Variants in SCHIP1 observed in about 807,000 individuals in gnomAD.
SCHIP1 encodes the protein schwannomin interacting protein 1.
A neutral mutation model predicts 29.7 loss-of-function variants in SCHIP1; 8 were observed. The observed-to-expected ratio is 0.27, with a 90% CI of 0.16 to 0.49. The LOEUF is 0.49. SCHIP1 is among the 20% of genes least tolerant of loss of function. The pLI, the probability that SCHIP1 is intolerant of heterozygous loss-of-function variation, is 0.99. For synonymous variants in SCHIP1, 76 were observed against 94.9 expected, an observed-to-expected ratio of 0.80 and a Z score of 1.16; for missense variants, 193 against 294.6, an observed-to-expected ratio of 0.66 and a Z score of 2.52.
At chr3:159,706,891 GATTC>G in the SCHIP1 span, among the ~76,000 whole-genome samples, 1 of 152,110 alleles carries the variant, frequency 6.6e-6, no homozygotes, top group African/African-American at 2.4e-5. Flanking sequence ...AAAGACAAAG[GATTC>G]ATTTTATCAG....
the SCHIP1 span, among the ~76,000 whole-genome samples, chr3:159,790,511 C>T: frequency 1.3e-5 from 2 of 152,060 alleles, no homozygotes; most frequent in Admixed American, 6.5e-5. Context: ...ATGGTGAAAC[C>T]CCATCTCTAC....
At chr3:159,333,847 A>G in the SCHIP1 span, among the ~76,000 whole-genome samples, 1 of 152,200 alleles carries the variant, frequency 6.6e-6, no homozygotes, top group Admixed American at 6.5e-5. Flanking sequence ...GATTTCTCAA[A>G]TACACATTGG....
At chr3:159,794,614 G>T in the SCHIP1 span, among the ~76,000 whole-genome samples, 1 of 152,212 alleles carries the variant, frequency 6.6e-6, no homozygotes, top group Non-Finnish European at 1.5e-5. Flanking sequence ...CTAGTGGTCA[G>T]TATACTTGTA....
the SCHIP1 span, among the ~76,000 whole-genome samples, chr3:159,788,535 G>T: frequency 6.6e-6 from 1 of 152,114 alleles, no homozygotes; most frequent in Non-Finnish European, 1.5e-5. Flanking sequence ...CTGAGGAGAG[G>T]TTTATTGCCC....
chr3:159,598,243 C>T, the SCHIP1 span, among the ~76,000 whole-genome samples: 1 of 152,176 alleles, frequency 6.6e-6, no homozygotes, highest in Non-Finnish European at 1.5e-5. Flanking sequence ...ATCAAACATG[C>T]CTTCCCAACA....
At chr3:159,546,213 T>C in the SCHIP1 span, among the ~76,000 whole-genome samples, 1 of 152,118 alleles carries the variant, frequency 6.6e-6, no homozygotes, top group African/African-American at 2.4e-5. Context: ...CCTTGTTTTA[T>C]TTTTATTGTC....
the SCHIP1 span, among the ~76,000 whole-genome samples, chr3:159,675,041 C>A: frequency 1.0e-3 from 158 of 152,256 alleles, 1 homozygote; most frequent in African/African-American, 3.7e-3. Flanking sequence ...TTTGTGCTCT[C>A]GGTTTTCTGT....
At chr3:159,467,269 T>A in the SCHIP1 span, among the ~76,000 whole-genome samples, 1 of 152,150 alleles carries the variant, frequency 6.6e-6, no homozygotes, top group Non-Finnish European at 1.5e-5. Context: ...AATAAACTCT[T>A]TAGTGGGCGT....
At chr3:159,507,792 C>T in the SCHIP1 span, among the ~76,000 whole-genome samples, 2 of 152,196 alleles carry the variant, frequency 1.3e-5, no homozygotes, top group Non-Finnish European at 2.9e-5. Context: ...TATGTTGAAC[C>T]AGCCTTGCAT....
chr3:159,769,853 G>A, the SCHIP1 span, among the ~76,000 whole-genome samples: 11 of 152,336 alleles, frequency 7.2e-5, 1 homozygote, highest in South Asian at 2.1e-3. Flanking sequence ...TTTGACATAT[G>A]TATGGCATAT....
At chr3:159,663,515 T>C in the SCHIP1 span, among the ~76,000 whole-genome samples, 6 of 152,296 alleles carry the variant, frequency 3.9e-5, 1 homozygote, top group African/African-American at 1.4e-4. Context: ...AGTTCCAATT[T>C]AGTGTCTGCT....
the SCHIP1 span, among the ~76,000 whole-genome samples, chr3:159,667,321 C>G: frequency 6.6e-6 from 1 of 152,224 alleles, no homozygotes; most frequent in African/African-American, 2.4e-5. Context: ...CAGTTCCACC[C>G]CTCAGGAAAG....
chr3:159,694,537 CAAGAAAGAAAGAA>C, the SCHIP1 span, among the ~76,000 whole-genome samples: 4 of 119,460 alleles, frequency 3.3e-5, no homozygotes, highest in African/African-American at 1.0e-4. Flanking sequence ...AAAGAAAAGA[CAAGAAAGAAAGAA>C]AGAAAGAAAG....
chr3:159,297,090 G>A, the SCHIP1 span, among the ~76,000 whole-genome samples: 1 of 150,422 alleles, frequency 6.6e-6, no homozygotes, highest in East Asian at 2.0e-4. Context: ...GTTGTAAGTG[G>A]TATGACTTCC....
the SCHIP1 span, among the ~76,000 whole-genome samples, chr3:159,732,369 G>A: frequency 1.3e-5 from 2 of 152,214 alleles, no homozygotes; most frequent in African/African-American, 4.8e-5. Context: ...TCCCTGGGAA[G>A]TTTGCGGGCA....
chr3:159,401,506 G>C, the SCHIP1 span: 2 of 239,682 alleles, frequency 8.3e-6, no homozygotes, highest in South Asian at 3.1e-4. Context: ...CTGTGTGATA[G>C]GTACTATTTT....
the SCHIP1 span, among the ~76,000 whole-genome samples, chr3:159,596,619 A>G: frequency 1.3e-5 from 2 of 152,252 alleles, no homozygotes; most frequent in Non-Finnish European, 2.9e-5. Flanking sequence ...CTATGCAGCC[A>G]TAAAAAAGGA....
At chr3:159,454,223 G>A in the SCHIP1 span, among the ~76,000 whole-genome samples, 1 of 152,168 alleles carries the variant, frequency 6.6e-6, no homozygotes, top group East Asian at 1.9e-4. Flanking sequence ...TGGGTCTGGA[G>A]GGTAGTGTGA....
At chr3:159,638,798 T>C in the SCHIP1 span, among the ~76,000 whole-genome samples, 1 of 152,092 alleles carries the variant, frequency 6.6e-6, no homozygotes, top group East Asian at 1.9e-4. Flanking sequence ...ATATATTACA[T>C]ATGCATACGT....
Sources: allele counts gnomAD v4.1 joint callset (sites outside exome capture counted in the v4.1 genomes callset), GRCh38; gene constraint gnomAD v4.1.1; transcripts MANE v1.5; gene names NCBI Gene and HGNC (gene_info 2026-07-23, HGNC 2026-07-21).